The following MUC6 variants were observed in gnomAD, a reference collection of about 807,000 sequenced individuals.
The protein encoded by MUC6 is mucin 6, oligomeric mucus/gel-forming (gene/pseudogene), also known as mucin-6.
In MUC6, 188 loss-of-function variants were observed where a neutral mutation model predicts 201.5. That is an observed-to-expected ratio of 0.93 (90% confidence interval 0.83 to 1.05). The LOEUF is 1.05. MUC6 is among the 50% of genes least tolerant of loss of function. MUC6 has a pLI of 0.00. For synonymous variants in MUC6, 1,228 were observed against 1,389.4 expected (o/e 0.88, Z 2.58); for missense variants, 2,706 against 3,256.9 (o/e 0.83, Z 4.12).
Position 1,026,381 on chromosome 11 carries a change from A to G in MUC6, c.2492T>C (p.Phe831Ser). The G allele has an allele frequency of 1.2e-6, 2 of 1,607,208 alleles. No individual in the cohort carries two copies. Among genetic ancestry groups the G allele is most frequent in the Middle Eastern group, 1.7e-4 (1 of 6,018 alleles). The change falls in exon 20 of 33, where the codon TTC becomes TCC. Residue 831 changes from phenylalanine to serine, a missense_variant. Around this residue, in one of 10 missense-constraint regions of MUC6, gnomAD observed 1,850 missense variants for 1,958.3 expected, o/e 0.94. Coordinates refer to ENST00000421673, the MANE Select transcript of MUC6 (RefSeq NM_005961.3). The part of the protein sequence containing the change: ...CVPPEECPCE[F>S]SGVSYPGGAE... ...TCCTCCAGGGTAGGAGACCCCCGAG[A>G]ACTCACATGGGCACTCCTCGGGGGG...
rs1437346636 is a variant in MUC6 at position 1,016,119 on chromosome 11, T to C, written c.6682A>G (p.Ile2228Val). Residue 2228 changes from isoleucine (I) to valine (V), a missense_variant, in exon 31 of 33, where the codon ATA becomes GTA. This residue lies in a region of MUC6 where 586 missense variants were observed against 488.0 expected (regional missense o/e 1.20). Coordinates refer to ENST00000421673, the MANE Select transcript of MUC6 (RefSeq NM_005961.3). ...SPFTLSALLP[I>V]STVTVSPTPS... is the part of the protein sequence containing the mutation. ...GTGGGAGACACGGTAACAGTGGATA[T>C]GGGGAGTAGAGCAGAGAGGGTGAAA... 8.7e-6 allele frequency: 14 copies of C among 1,612,816 alleles called. No individual in the cohort carries two copies. The highest frequency in any genetic ancestry group is 7.7e-5 in the South Asian group (7 of 91,002).
rs760884152 is a variant in MUC6 at position 1,016,360 on chromosome 11, G to C, written c.6441C>G (p.Ser2147=). Residue 2147 remains serine, a synonymous_variant, in exon 31 of 33, where the codon TCC becomes TCG. Transcript: ENST00000421673. ...ATGAAGTCTGGGGAGAGGAGTGGGA[G>C]GAGGGCACATAAGAAGAAACAGTAG... ...APSTVSSYVP[S]SHSSPQTSSP... The C allele has an allele frequency of 2.5e-6, 4 of 1,611,814 alleles. No homozygotes were observed. In the African/African-American group the frequency reaches 5.3e-5, roughly 22 times the overall value.
At chr11:1,024,778 C>T (rs907587765) in intron 24 of MUC6, 66 bp downstream of exon 24, 4 of 1,553,794 alleles carry the variant, frequency 2.6e-6, no homozygotes, top group Non-Finnish European at 3.5e-6. Flanking sequence ...CTTCCCCGCC[C>T]CTTCCCCCGC....
Position 1,013,977 on chromosome 11 carries a change from T to A in MUC6, c.7064A>T (p.Gln2355Leu). 1.2e-6 allele frequency: 2 copies of A among 1,608,866 alleles called. No individual in the cohort carries two copies. The highest frequency in any genetic ancestry group is 1.7e-6 in the Non-Finnish European group (2 of 1,178,272). The change falls in exon 32 of 33, where the codon CAG becomes CTG. Residue 2355 changes from glutamine to leucine, a missense_variant. Coordinates refer to ENST00000421673, the MANE Select transcript of MUC6 (RefSeq NM_005961.3). ...GCACCCCTTGAACGTGATCTCCTCC[T>A]GCTGCTCCCGCACACTGCAGACCCC... ...SPGVCSVREQ[Q>L]EEITFKGCMA...
rs764333673 is a variant in MUC6 at position 1,020,244 on chromosome 11, C to G, written c.3654G>C (p.Thr1218=). ...PQLPTTGSRP[T]QVWPMTGTST... ...AGGTTCCCGTCATGGGCCAGACTTGCGTGGGCCGTGAGCCTGGGTGGGCGG... is the reference window on the plus strand; with the variant it reads ...AGGTTCCCGTCATGGGCCAGACTTGGGTGGGCCGTGAGCCTGGGTGGGCGG... Residue 1218 remains threonine (T), a synonymous_variant, in exon 29 of 33, where the codon ACG becomes ACC. Transcript: ENST00000421673. 5.9e-5 allele frequency: 94 copies of G among 1,606,310 alleles called. No individual in the cohort carries two copies. The Admixed American group carries it at 1.6e-3, about 27-fold the overall frequency.
intron 5 of MUC6, 40 bp from the exon 6 acceptor site, chr11:1,031,096 C>G: frequency 6.5e-7 from 1 of 1,537,024 alleles, no homozygotes; most frequent in Non-Finnish European, 8.8e-7. Context: ...GGGGGCTGGG[C>G]CTCAGAGGCC....
intron 25 of MUC6, 47 bp from the exon 26 acceptor site, chr11:1,023,699 C>T (rs1025573015): frequency 1.2e-6 from 2 of 1,604,494 alleles, no homozygotes; most frequent in South Asian, 1.1e-5. Context: ...GGCCCTGGCC[C>T]TGGCCCTGAC....
chr11:1,028,770 G>A lies in MUC6; in HGVS notation c.1467C>T (p.Val489=), dbSNP rs775625262. 3.1e-6 allele frequency: 5 copies of A among 1,611,390 alleles called. No homozygotes were observed. The South Asian group carries it at 5.5e-5, about 18-fold the overall frequency. Residue 489 remains valine (V), a synonymous_variant, in exon 13 of 33, where the codon GTC becomes GTT. Transcript: ENST00000421673. ...GGAGGTGGGTGGACGTCTGCCTGAA[G>A]ACCGTGATGTTGCCTGCAGGACGCA... ...WLPYKTRNIT[V]FRQTSTHLQM... is the part of the protein sequence containing the mutation.
chr11:1,017,621 G>C lies in MUC6; in HGVS notation c.5180C>G (p.Thr1727Arg), dbSNP rs1474465899. 3.1e-6 allele frequency: 2 copies of C among 635,616 alleles called. No individual in the cohort carries two copies. Among genetic ancestry groups the C allele is most frequent in the Admixed American group, 8.0e-5 (1 of 12,432 alleles). 39.4% of individuals were successfully genotyped at this position (635,616 alleles called of 1,614,324 possible). A position where few individuals can be genotyped will look rare whatever the true frequency, so the allele number is the denominator to read the frequency against. ...TTGGCTGGTCCCACTGGTGGTCACTGTCATTGGTGGGGTTCCTGTACTGGT... is the reference window on the plus strand; with the variant it reads ...TTGGCTGGTCCCACTGGTGGTCACTCTCATTGGTGGGGTTCCTGTACTGGT... ...NPTSTGTPPM[T>R]VTTSGTSQSR... The change falls in exon 31 of 33, where the codon ACA becomes AGA. Residue 1727 changes from threonine (T) to arginine (R), a missense_variant. By Grantham distance (71) the Thr-to-Arg change is moderately conservative. Coordinates refer to ENST00000421673, the MANE Select transcript of MUC6 (RefSeq NM_005961.3).
Position 1,023,351 on chromosome 11 carries a change from TGA to T in MUC6, c.3526+156_3526+157del, listed in dbSNP as rs557095334. On this transcript the variant is annotated intron_variant, in intron 26 of 32. Transcript: ENST00000421673. The stretch of plus-strand genomic sequence containing the variant: ...CTGCATGAATGAATGTGAATGTGCG[TGA>T]GTGTGTGTGAATGAATGTGTGCAAA... 1.9e-3 allele frequency among the ~76,000 whole-genome samples: 281 copies of T among 148,510 alleles called. 1 individual carries two copies. The highest frequency in any genetic ancestry group is 6.7e-3 in the African/African-American group (271 of 40,258).
At chr11:1,028,083 G>A (rs1469694003) in intron 14 of MUC6, 24 bp from the exon 15 acceptor site, 3 of 1,555,354 alleles carry the variant, frequency 1.9e-6, no homozygotes, top group Non-Finnish European at 2.6e-6. Context: ...GCCCGGGCGT[G>A]AGTCCCGGCC....
At chr11:1,024,147 G>T in intron 24 of MUC6, 44 bp from the exon 25 acceptor site, 3 of 1,584,434 alleles carry the variant, frequency 1.9e-6, no homozygotes, top group Non-Finnish European at 2.6e-6. Flanking sequence ...CCGGGGGATG[G>T]CGGGGCATCA....
At position 1,031,167 on chromosome 11, in the gene MUC6, A is replaced by G. The variant is rs59376921; in HGVS notation, c.574+2T>C. ...AGGCCCCCCAGCCCTGCCCCCACCTACCCTCCTCACTGACAAACTCGTTGG... is the reference window on the plus strand; with the variant it reads ...AGGCCCCCCAGCCCTGCCCCCACCTGCCCTCCTCACTGACAAACTCGTTGG... On this transcript the variant is annotated splice_donor_variant, in intron 5 of 32. Coordinates refer to ENST00000421673, the MANE Select transcript of MUC6 (RefSeq NM_005961.3). LOFTEE classifies it high-confidence loss of function. 8.1e-7 allele frequency: 1 copy of G among 1,238,270 alleles called. No individual in the cohort carries two copies. Among genetic ancestry groups the G allele is most frequent in the Non-Finnish European group, 1.0e-6 (1 of 971,034 alleles). The allele number at this position is 1,238,270 out of a possible 1,614,324, so 76.7% of individuals were successfully genotyped here.
chr11:1,030,743 G>A lies in MUC6; in HGVS notation c.722C>T (p.Pro241Leu). 6.5e-7 allele frequency: 1 copy of A among 1,540,852 alleles called. No homozygotes were observed. The highest frequency in any genetic ancestry group is 8.7e-7 in the Non-Finnish European group (1 of 1,147,428). ...ICTQLLTLVAPECSVSKEPFV... is the reference protein window; with the variant it reads ...ICTQLLTLVALECSVSKEPFV... Reference sequence around the variant, plus strand: ...GGGCTCCTTGGACACGCTGCACTCAGGGGCCACCAGGGTCAGCAGCTGGGT... The same window carrying A: ...GGGCTCCTTGGACACGCTGCACTCAAGGGCCACCAGGGTCAGCAGCTGGGT... The change falls in exon 7 of 33, where the codon CCT becomes CTT. Residue 241 changes from proline to leucine, a missense_variant. Physicochemically the swap from Pro to Leu is moderately conservative, Grantham distance 98. Coordinates refer to ENST00000421673, the MANE Select transcript of MUC6 (RefSeq NM_005961.3).
At chr11:1,025,625 A>G (rs967785101) in intron 22 of MUC6, among the ~76,000 whole-genome samples, 180 bp downstream of exon 22, 15 of 152,160 alleles carry the variant, frequency 9.9e-5, no homozygotes, top group Non-Finnish European at 1.3e-4. Context: ...TGTGGGGCAC[A>G]AGCACCCGTG....
Position 1,018,596 on chromosome 11 carries a change from G to A in MUC6, c.4205C>T (p.Thr1402Ile), listed in dbSNP as rs1308779079. 6 of 1,613,634 alleles carry A rather than the reference G, an allele frequency of 3.7e-6. No homozygotes were observed. In the African/African-American group the frequency reaches 6.7e-5, roughly 18 times the overall value. ...RTTTEYTTPQ[T>I]PHTTHSPPTA... ...AGGCGGGGAGTGTGTGGTGTGTGGG[G>A]TTTGGGGCGTTGTGTATTCAGTAGT... Residue 1402 changes from threonine (T) to isoleucine (I), a missense_variant, in exon 31 of 33, where the codon ACC (threonine) becomes ATC (isoleucine). Coordinates refer to ENST00000421673, the MANE Select transcript of MUC6 (RefSeq NM_005961.3).
intron 26 of MUC6, among the ~76,000 whole-genome samples, chr11:1,021,532 G>A (rs1345107949): frequency 2.0e-5 from 3 of 152,020 alleles, no homozygotes; most frequent in African/African-American, 7.3e-5. Flanking sequence ...CATGACGCCC[G>A]GCTAATTTTT....
chr11:1,028,524 C>T, intron 13 of MUC6, 122 bp downstream of exon 13: 3 of 1,534,956 alleles, frequency 2.0e-6, no homozygotes, highest in South Asian at 1.2e-5. Context: ...GCCTGTTACC[C>T]CTGGGGGCTC....
Position 1,032,069 on chromosome 11 carries a change from T to C in MUC6, c.116-16A>G, listed in dbSNP as rs1857120336. The C allele has an allele frequency of 6.2e-7, 1 of 1,611,330 alleles. No individual in the cohort carries two copies. Among genetic ancestry groups the C allele is most frequent in the South Asian group, 1.1e-5 (1 of 91,020 alleles). On this transcript the variant is annotated splice_polypyrimidine_tract_variant and intron_variant, in intron 2 of 32. Transcript: ENST00000421673. ...TTGTCCGGGGCTACAGAGAGAGCAG[T>C]GCTCACACAGCCCTGTGTCCCCACC... is the stretch of plus-strand genomic sequence containing the variant.
Sources: gnomAD v4.1 joint callset for allele counts (sites outside exome capture counted in the v4.1 genomes callset) on GRCh38, gnomAD v4.1.1 for gene constraint, gnomAD v4.1.1 regional missense constraint, MANE v1.5 for transcripts, NCBI Gene and HGNC (gene_info 2026-07-23, HGNC 2026-07-21) for gene names.